The following GH1 variants were observed in gnomAD, a reference collection of about 807,000 sequenced individuals.
GH1 encodes growth hormone 1.
Under a neutral mutation model 24.5 loss-of-function variants are expected in GH1, and 13 were observed. The ratio of observed to expected loss-of-function variants is 0.53; its 90% confidence interval spans 0.35 to 0.85. GH1 has a LOEUF of 0.85. Among genes scored for constraint, GH1 ranks in the 40% least tolerant of loss-of-function variants. GH1 has a pLI of 0.01. For missense variants in GH1, 294 were observed against 273.2 expected, an observed-to-expected ratio of 1.08 and a Z score of -0.54; for synonymous variants, 126 against 116.3, an observed-to-expected ratio of 1.08 and a Z score of -0.54.
chr17:63,918,318 G>GT, intron 2 of GH1, 28 bp downstream of exon 2: 1 of 1,613,822 alleles, frequency 6.2e-7, no homozygotes, highest in Non-Finnish European at 8.5e-7. Flanking sequence ...TGCCACCCCT[G>GT]ATGCGCACCC....
Position 63,917,770 on chromosome 17 carries a change from G to C in GH1, c.446C>G (p.Thr149Arg), listed in dbSNP as rs764140330. 4 of 1,614,074 alleles carry C rather than the reference G, an allele frequency of 2.5e-6. No homozygotes were observed. The change falls in exon 4 of 5, where the codon ACG (threonine) becomes AGG (arginine). Residue 149 changes from threonine to arginine, a missense_variant. Thr to Arg is a moderately conservative substitution (Grantham distance 71, BLOSUM62 -1). Coordinates refer to ENST00000323322, the MANE Select transcript of GH1 (RefSeq NM_000515.5). ...LLKDLEEGIQ[T>R]LMGRLEDGSP... ...TGGCGCCACCCTCACCCCCATCAGCGTTTGGATGCCTTCCTCTAGGTCCTT... is the reference window on the plus strand; with the variant it reads ...TGGCGCCACCCTCACCCCCATCAGCCTTTGGATGCCTTCCTCTAGGTCCTT...
intron 4 of GH1, 84 bp downstream of exon 4, chr17:63,917,676 A>C: frequency 5.6e-6 from 9 of 1,614,018 alleles, no homozygotes; most frequent in Non-Finnish European, 7.6e-6. Context: ...CCTGACTGCT[A>C]AAAAGAGGGC....
Position 63,918,521 on chromosome 17 carries a change from G to C in GH1, c.11-15C>G. On this transcript the variant is annotated splice_polypyrimidine_tract_variant and intron_variant, in intron 1 of 4. Coordinates refer to ENST00000323322, the MANE Select transcript of GH1 (RefSeq NM_000515.5). The stretch of plus-strand genomic sequence containing the variant: ...CGTCCGGGAGCCTGGGGAGAAACCA[G>C]AGGGCAACAGAGGGAGCCGGAGAGC... The C allele has an allele frequency of 6.2e-7, 1 of 1,613,746 alleles. No individual in the cohort carries two copies. Among genetic ancestry groups the C allele is most frequent in the Non-Finnish European group, 8.5e-7 (1 of 1,179,988 alleles).
intron 4 of GH1, 34 bp downstream of exon 4, chr17:63,917,726 C>A: frequency 6.2e-7 from 1 of 1,614,182 alleles, no homozygotes; most frequent in Middle Eastern, 1.6e-4. Flanking sequence ...GTCAGTGGGG[C>A]TCCAGGATTG....
At position 63,918,815 on chromosome 17, in the gene GH1, C is replaced by T. The variant is rs1463858924; in HGVS notation, c.-39G>A. 1.6e-5 allele frequency: 26 copies of T among 1,613,822 alleles called. No individual in the cohort carries two copies. In the Admixed American group the frequency reaches 1.8e-4, roughly 11 times the overall value. On this transcript the variant is annotated 5_prime_UTR_variant, in exon 1 of 5. Coordinates refer to ENST00000323322, the MANE Select transcript of GH1 (RefSeq NM_000515.5). ...GCTGTCCACAGGACCCTGAGTGGTT[C>T]GGGGAGTTGGGCCTTGGGATCCTTG...
At position 63,917,819 on chromosome 17, in the gene GH1, C is replaced by T; in HGVS notation, c.397G>A (p.Asp133Asn). Residue 133 changes from aspartate to asparagine, a missense_variant, in exon 4 of 5, where the codon GAC (aspartate) becomes AAC (asparagine). By Grantham distance (23) the Asp-to-Asn change is conservative. Transcript: ENST00000323322. ...FANSLVYGAS[D>N]SNVYDLLKDL... Reference sequence around the variant, plus strand: ...TTTAGGAGGTCATAGACGTTGCTGTCAGAGGCGCCGTACACCAGGCTGTTG... The same window carrying T: ...TTTAGGAGGTCATAGACGTTGCTGTTAGAGGCGCCGTACACCAGGCTGTTG... The T allele has an allele frequency of 6.2e-7, 1 of 1,614,160 alleles. No individual in the cohort carries two copies.
At chr17:63,917,681 G>T in intron 4 of GH1, 79 bp downstream of exon 4, 3 of 1,614,128 alleles carry the variant, frequency 1.9e-6, no homozygotes, top group Non-Finnish European at 2.5e-6. Flanking sequence ...CTGCTAAAAA[G>T]AGGGCAGCAG....
intron 1 of GH1, 54 bp from the exon 2 acceptor site, chr17:63,918,560 TC>T: frequency 6.2e-7 from 1 of 1,612,324 alleles, no homozygotes; most frequent in Non-Finnish European, 8.5e-7. Flanking sequence ...AGGCCAGCAC[TC>T]TCCCTGCTCC....
Position 63,918,414 on chromosome 17 carries a change from G to T in GH1, c.103C>A (p.Leu35Ile). ...GCGCGGAGCATAGCGTTGTCAAAAA[G>T]CCTGGATAAGGGAATGGTTGGGAAG... ...SAFPTIPLSR[L>I]FDNAMLRAHR... The change falls in exon 2 of 5, where the codon CTT (leucine) becomes ATT (isoleucine). Residue 35 changes from leucine (L) to isoleucine (I), a missense_variant. By Grantham distance (5) the Leu-to-Ile change is conservative. Coordinates refer to ENST00000323322, the MANE Select transcript of GH1 (RefSeq NM_000515.5). 6.2e-7 allele frequency: 1 copy of T among 1,614,214 alleles called. No individual in the cohort carries two copies. Among genetic ancestry groups the T allele is most frequent in the Non-Finnish European group, 8.5e-7 (1 of 1,180,046 alleles).
chr17:63,918,437 A>G lies in GH1; in HGVS notation c.80T>C (p.Phe27Ser). 1 of 1,614,196 alleles carries G rather than the reference A, an allele frequency of 6.2e-7. No homozygotes were observed. Among genetic ancestry groups the G allele is most frequent in the Non-Finnish European group, 8.5e-7 (1 of 1,180,030 alleles). ...CLPWLQEGSA[F>S]PTIPLSRLFD... ...AAGCCTGGATAAGGGAATGGTTGGGAAGGCACTGCCCTCTTGAAGCCAGGG... is the reference window on the plus strand; with the variant it reads ...AAGCCTGGATAAGGGAATGGTTGGGGAGGCACTGCCCTCTTGAAGCCAGGG... The change falls in exon 2 of 5, where the codon TTC (phenylalanine) becomes TCC (serine). Residue 27 changes from phenylalanine to serine, a missense_variant. Physicochemically the swap from Phe to Ser is radical, Grantham distance 155. Coordinates refer to ENST00000323322, the MANE Select transcript of GH1 (RefSeq NM_000515.5).
chr17:63,918,177 A>G, intron 2 of GH1, 41 bp from the exon 3 acceptor site: 3 of 1,613,972 alleles, frequency 1.9e-6, no homozygotes, highest in Middle Eastern at 1.7e-4. Flanking sequence ...GCTGGAGACC[A>G]GCTCCCATTG....
Position 63,917,204 on chromosome 17 carries a change from G to A in GH1, c.*105C>T, listed in dbSNP as rs752350267. 78 of 1,573,630 alleles carry A rather than the reference G, an allele frequency of 5.0e-5. No individual in the cohort carries two copies. The highest frequency in any genetic ancestry group is 1.1e-4 in the Admixed American group (6 of 56,834). On this transcript the variant is annotated 3_prime_UTR_variant, in exon 5 of 5. Coordinates refer to ENST00000323322, the MANE Select transcript of GH1 (RefSeq NM_000515.5). ...AGAAGGACACCTAGTCAGACAAAAT[G>A]ATGCAACTTAATTTTATTAGGACAA...
chr17:63,917,349 A>C lies in GH1; in HGVS notation c.614T>G (p.Ile205Ser), dbSNP rs745438654. The C allele has an allele frequency of 1.2e-6, 2 of 1,614,048 alleles. No individual in the cohort carries two copies. The highest frequency in any genetic ancestry group is 2.2e-5 in the South Asian group (2 of 91,078). ...DMDKVETFLR[I>S]VQCRSVEGSC... ...GCCCTCCACAGAGCGGCACTGCACG[A>C]TGCGCAGGAATGTCTCGACCTTGTC... Residue 205 changes from isoleucine to serine, a missense_variant, in exon 5 of 5, where the codon ATC (isoleucine) becomes AGC (serine). Physicochemically the swap from Ile to Ser is moderately radical, Grantham distance 142. Coordinates refer to ENST00000323322, the MANE Select transcript of GH1 (RefSeq NM_000515.5).
intron 4 of GH1, 47 bp from the exon 5 acceptor site, chr17:63,917,553 T>C: frequency 1.2e-6 from 2 of 1,613,876 alleles, no homozygotes; most frequent in South Asian, 2.2e-5. Flanking sequence ...TTGGGTACTG[T>C]TCCCTCCCTT....
intron 3 of GH1, 43 bp downstream of exon 3, chr17:63,917,974 C>A: frequency 1.2e-6 from 2 of 1,614,206 alleles, no homozygotes; most frequent in Non-Finnish European, 1.7e-6. Flanking sequence ...GCTCTGACTA[C>A]AGGTCTCCCC....
rs886053236 is a variant in GH1 at position 63,917,907 on chromosome 17, G to A, written c.309C>T (p.Arg103=). 6.2e-6 allele frequency: 10 copies of A among 1,614,108 alleles called. No homozygotes were observed. Among genetic ancestry groups the A allele is most frequent in the Non-Finnish European group, 8.5e-6 (10 of 1,180,042 alleles). The change falls in exon 4 of 5, where the codon CGC becomes CGT. Residue 103 remains arginine (R), a synonymous_variant. Transcript: ENST00000323322. ...ACGACTGGATGAGCAGCAGGGAGAT[G>A]CGGAGCAGCTCTAGGTTCTGCAGGG... ...TQQKSNLELL[R]ISLLLIQSWL...
intron 4 of GH1, 83 bp downstream of exon 4, chr17:63,917,677 A>G: frequency 1.9e-6 from 3 of 1,614,126 alleles, no homozygotes; most frequent in Non-Finnish European, 2.5e-6. Flanking sequence ...CTGACTGCTA[A>G]AAAGAGGGCA....
Position 63,918,322 on chromosome 17 carries a change from C to T in GH1, c.171+24G>A, listed in dbSNP as rs41295031. ...TCACCCCTTCCTGCCACCCCTGATG[C>T]GCACCCATTCCCCAAGAGCTTACAA... On this transcript the variant is annotated intron_variant, in intron 2 of 4. Coordinates refer to ENST00000323322, the MANE Select transcript of GH1 (RefSeq NM_000515.5). The T allele has an allele frequency of 3.8e-5, 62 of 1,613,734 alleles. 1 individual carries two copies. The highest frequency in any genetic ancestry group is 2.2e-4 in the East Asian group (10 of 44,884).
At chr17:63,917,595 A>C (rs1907413983) in intron 4 of GH1, 89 bp from the exon 5 acceptor site, 1 of 1,613,796 alleles carries the variant, frequency 6.2e-7, no homozygotes, top group African/African-American at 1.3e-5. Context: ...CCTCCCCTTC[A>C]GGGTGTAGAG....
Sources: allele counts gnomAD v4.1 joint callset, GRCh38; gene constraint gnomAD v4.1.1; transcripts MANE v1.5; gene names NCBI Gene and HGNC (gene_info 2026-07-23, HGNC 2026-07-21).